AMBRA1: variants seen among roughly 807,000 people sequenced by gnomAD.
The protein encoded by AMBRA1 is activating molecule in BECN1-regulated autophagy protein 1.
In AMBRA1, 47 loss-of-function variants were observed where a neutral mutation model predicts 125.4. The observed-to-expected ratio is 0.37, with a 90% confidence interval of 0.30 to 0.48. The LOEUF (loss-of-function observed/expected upper bound fraction) is 0.48. AMBRA1 is among the 20% of genes least tolerant of loss of function. The pLI, the probability that AMBRA1 is intolerant of heterozygous loss-of-function variation, is 0.99. For missense variants in AMBRA1, 1,331 were observed against 1,693.4 expected (o/e 0.79, Z 3.76); for synonymous variants, 626 against 655.5 (o/e 0.95, Z 0.69).
intron 7 of AMBRA1, among the ~76,000 whole-genome samples, chr11:46,522,021 T>C (rs544702831): frequency 1.3e-5 from 2 of 152,324 alleles, no homozygotes; most frequent in African/African-American, 4.8e-5. Context: ...TCAGTGCCTC[T>C]GGGCAGTGAG....
chr11:46,406,418 T>G (rs1016850605), intron 17 of AMBRA1, among the ~76,000 whole-genome samples: 2 of 145,486 alleles, frequency 1.4e-5, no homozygotes, highest in African/African-American at 2.5e-5. Context: ...GGCTCACACC[T>G]GTAACTCCAG....
chr11:46,459,691 A>G (rs1235704387), intron 11 of AMBRA1, among the ~76,000 whole-genome samples: 1 of 151,482 alleles, frequency 6.6e-6, no homozygotes, highest in Non-Finnish European at 1.5e-5. Flanking sequence ...AGCCTGGGCA[A>G]CAGAGCAAGA....
chr11:46,560,345 G>A (rs2043290677), intron 1 of AMBRA1, among the ~76,000 whole-genome samples: 1 of 152,190 alleles, frequency 6.6e-6, no homozygotes, highest in Non-Finnish European at 1.5e-5. Context: ...ACAAAACTGA[G>A]TAAATTCTAA....
chr11:46,555,613 A>G (rs2043137127), intron 1 of AMBRA1, among the ~76,000 whole-genome samples: 1 of 152,254 alleles, frequency 6.6e-6, no homozygotes. Flanking sequence ...CAGATTTCTA[A>G]GAATTATGTC....
intron 1 of AMBRA1, among the ~76,000 whole-genome samples, chr11:46,583,677 A>AAAAAAAAAAAAAAAAC (rs1565324615): frequency 2.8e-5 from 4 of 143,902 alleles, no homozygotes; most frequent in African/African-American, 1.1e-4. Flanking sequence ...AAAAAAAAAA[A>AAAAAAAAAAAAAAAAC]AACAACAAAA....
intron 12 of AMBRA1, among the ~76,000 whole-genome samples, chr11:46,442,557 A>C (rs1948072251): frequency 1.3e-5 from 2 of 152,178 alleles, no homozygotes; most frequent in African/African-American, 4.8e-5. Context: ...AATGTGCAAG[A>C]GAGAGCCCTT....
At chr11:46,535,174 A>T (rs1304306229) in intron 7 of AMBRA1, among the ~76,000 whole-genome samples, 1 of 152,190 alleles carries the variant, frequency 6.6e-6, no homozygotes, top group South Asian at 2.1e-4. Context: ...ATTCTTTCCT[A>T]TTTGTCCTTA....
chr11:46,422,602 G>A (rs963938034), intron 14 of AMBRA1, among the ~76,000 whole-genome samples: 3 of 151,980 alleles, frequency 2.0e-5, no homozygotes, highest in Non-Finnish European at 2.9e-5. Context: ...GGAGGTCAGC[G>A]GGAAACCTTC....
intron 11 of AMBRA1, among the ~76,000 whole-genome samples, chr11:46,489,271 C>T (rs932773087): frequency 6.6e-6 from 1 of 151,930 alleles, no homozygotes; most frequent in Non-Finnish European, 1.5e-5. Context: ...CCTGTGTCCA[C>T]GTGTTCTCAT....
intron 11 of AMBRA1, among the ~76,000 whole-genome samples, chr11:46,452,414 C>G (rs1186561969): frequency 6.6e-6 from 1 of 152,044 alleles, no homozygotes; most frequent in Non-Finnish European, 1.5e-5. Flanking sequence ...ACTCCTGGCC[C>G]TTAAGTGATC....
chr11:46,436,960 T>C (rs1376895270), intron 12 of AMBRA1, among the ~76,000 whole-genome samples: 1 of 152,212 alleles, frequency 6.6e-6, no homozygotes, highest in African/African-American at 2.4e-5. Context: ...TACCATTTTA[T>C]CTACATTTAA....
chr11:46,564,675 A>G (rs1415594296), intron 1 of AMBRA1, among the ~76,000 whole-genome samples: 1 of 152,182 alleles, frequency 6.6e-6, no homozygotes, highest in African/African-American at 2.4e-5. Flanking sequence ...GTAAATCTGA[A>G]TGAATCTGAG....
At chr11:46,584,620 TTC>T (rs1393519644) in intron 1 of AMBRA1, among the ~76,000 whole-genome samples, 2 of 151,992 alleles carry the variant, frequency 1.3e-5, no homozygotes, top group Non-Finnish European at 2.9e-5. Context: ...TTTTTAATTT[TTC>T]TGAGACAGGG....
intron 17 of AMBRA1, among the ~76,000 whole-genome samples, chr11:46,405,640 C>A (rs1037132775): frequency 6.6e-6 from 1 of 151,926 alleles, no homozygotes; most frequent in African/African-American, 2.4e-5. Context: ...GCAGGAAGAT[C>A]GCTTGAGCCT....
rs1026548301 is a variant in AMBRA1 at position 46,485,341 on chromosome 11, T to C, written c.2521+8267A>G. 2.6e-5 allele frequency among the ~76,000 whole-genome samples: 4 copies of C among 152,222 alleles called. No individual in the cohort carries two copies. The East Asian group carries it at 5.8e-4, about 22-fold the overall frequency. ...CCAGTGCCCCACTTACTCACGCTTA[T>C]AGTCCCACTCAAAAGATGAACGGGG... On this transcript the variant is annotated intron_variant, in intron 11 of 17. Transcript: ENST00000683756.
intron 1 of AMBRA1, among the ~76,000 whole-genome samples, chr11:46,568,227 G>A (rs1422555933): frequency 2.6e-5 from 4 of 152,040 alleles, no homozygotes; most frequent in African/African-American, 9.7e-5. Flanking sequence ...GGTGGCCGAG[G>A]CAGGAAGATC....
At chr11:46,500,238 AT>A (rs937906465) in intron 9 of AMBRA1, among the ~76,000 whole-genome samples, 2 of 152,198 alleles carry the variant, frequency 1.3e-5, no homozygotes, top group Admixed American at 1.3e-4. Flanking sequence ...TAATTTATAA[AT>A]TTAGTTCAAA....
chr11:46,413,689 C>A (rs111942470), intron 15 of AMBRA1, among the ~76,000 whole-genome samples: 1 of 152,052 alleles, frequency 6.6e-6, no homozygotes, highest in Non-Finnish European at 1.5e-5. Flanking sequence ...CAGTGTTTCG[C>A]CATGTTGGCC....
chr11:46,588,288 C>T (rs950806794), intron 1 of AMBRA1, among the ~76,000 whole-genome samples: 1 of 152,014 alleles, frequency 6.6e-6, no homozygotes, highest in African/African-American at 2.4e-5. Context: ...GCCAAGATAG[C>T]GCAGCTGCAC....
Sources: allele counts gnomAD v4.1 joint callset (sites outside exome capture counted in the v4.1 genomes callset), GRCh38; gene constraint gnomAD v4.1.1; transcripts MANE v1.5; gene names NCBI Gene and HGNC (gene_info 2026-07-23, HGNC 2026-07-21).